The following NALF1 variants were observed in gnomAD, a reference collection of about 807,000 sequenced individuals.
NALF1 encodes family with sequence similarity 155 member A.
In NALF1, 3 loss-of-function variants were observed where a neutral mutation model predicts 48.4. The observed-to-expected ratio is 0.06, with a 90% CI of 0.03 to 0.16. The LOEUF (loss-of-function observed/expected upper bound fraction) is 0.16. NALF1 is among the 10% of genes least tolerant of loss of function. NALF1 has a pLI of 1.00. For missense variants in NALF1, 526 were observed against 571.5 expected, an observed-to-expected ratio of 0.92 and a Z score of 0.81; for synonymous variants, 262 against 245.7, an observed-to-expected ratio of 1.07 and a Z score of -0.62.
chr13:107,326,610 G>A (rs1882370282), intron 1 of NALF1, among the ~76,000 whole-genome samples: 1 of 152,182 alleles, frequency 6.6e-6, no homozygotes, highest in African/African-American at 2.4e-5. Context: ...CACACTGAGA[G>A]GATTGAGTAA....
intron 1 of NALF1, among the ~76,000 whole-genome samples, chr13:107,705,905 T>C (rs1372549237): frequency 6.6e-6 from 1 of 152,012 alleles, no homozygotes; most frequent in Non-Finnish European, 1.5e-5. Context: ...AGGAGTTAAC[T>C]AGTATTTTTC....
chr13:107,848,250 C>T (rs1340149808), intron 1 of NALF1, among the ~76,000 whole-genome samples: 1 of 152,090 alleles, frequency 6.6e-6, no homozygotes. Context: ...ATACTCTTTA[C>T]AATGTTCAAA....
At chr13:107,725,566 C>G (rs530356796) in intron 1 of NALF1, among the ~76,000 whole-genome samples, 6 of 152,166 alleles carry the variant, frequency 3.9e-5, no homozygotes, top group East Asian at 1.9e-4. Flanking sequence ...CAAAAATTAC[C>G]TGGGCGCAGA....
chr13:107,767,846 C>T (rs2138567044), intron 1 of NALF1, among the ~76,000 whole-genome samples: 1 of 152,260 alleles, frequency 6.6e-6, no homozygotes, highest in Non-Finnish European at 1.5e-5. Flanking sequence ...ATTGCTAAAT[C>T]TTTAAAGAGC....
In NALF1 at chr13:107,168,122, C is replaced by T. The variant is rs1878704950; in HGVS notation, c.*2375G>A. 6.6e-6 allele frequency: 1 copy of T among 152,296 alleles called. No individual in the cohort carries two copies. The highest frequency in any genetic ancestry group is 1.5e-5 in the Non-Finnish European group (1 of 68,054). 9.4% of individuals were successfully genotyped at this position (152,296 alleles called of 1,614,324 possible). A position where few individuals can be genotyped will look rare whatever the true frequency, so the allele number is the denominator to read the frequency against. On this transcript the variant is annotated 3_prime_UTR_variant, in exon 3 of 3. Coordinates refer to ENST00000375915, the MANE Select transcript of NALF1 (RefSeq NM_001080396.3). ...ACGCTGAAGAGATGGTGAGATGGCA[C>T]ATGGAGTGGCCTTACCACAGCAGAG...
At chr13:107,192,221 G>C (rs1333383454) in intron 2 of NALF1, among the ~76,000 whole-genome samples, 1 of 152,160 alleles carries the variant, frequency 6.6e-6, no homozygotes, top group African/African-American at 2.4e-5. Context: ...ATAATAACCT[G>C]TGGTAGCGCT....
intron 1 of NALF1, among the ~76,000 whole-genome samples, chr13:107,420,437 C>A (rs1357033359): frequency 6.6e-6 from 1 of 152,058 alleles, no homozygotes; most frequent in Non-Finnish European, 1.5e-5. Flanking sequence ...CATGTTTTAG[C>A]ATTTTTTTAT....
intron 1 of NALF1, among the ~76,000 whole-genome samples, chr13:107,637,522 C>G (rs148809839): frequency 2.5e-3 from 376 of 152,254 alleles, no homozygotes; most frequent in African/African-American, 8.4e-3. Context: ...ATCTTATTTT[C>G]TTCCTTTAGT....
At chr13:107,180,122 A>C (rs1879031515) in intron 2 of NALF1, among the ~76,000 whole-genome samples, 1 of 151,562 alleles carries the variant, frequency 6.6e-6, no homozygotes, top group African/African-American at 2.4e-5. Flanking sequence ...CTATGTATCC[A>C]CAAAACTTTA....
At chr13:107,863,558 C>T (rs1038039864) in intron 1 of NALF1, among the ~76,000 whole-genome samples, 2 of 152,108 alleles carry the variant, frequency 1.3e-5, no homozygotes, top group Non-Finnish European at 2.9e-5. Context: ...TTCTCCATTG[C>T]GGTGATAAGA....
intron 1 of NALF1, among the ~76,000 whole-genome samples, chr13:107,245,264 G>A (rs117320958): frequency 1.3e-5 from 2 of 152,258 alleles, no homozygotes; most frequent in Non-Finnish European, 2.9e-5. Flanking sequence ...TGGTTTTCAC[G>A]TGGATCACTG....
chr13:107,350,365 C>G (rs1444121549), intron 1 of NALF1, among the ~76,000 whole-genome samples: 1 of 152,162 alleles, frequency 6.6e-6, no homozygotes, highest in Non-Finnish European at 1.5e-5. Context: ...CATGGGAACA[C>G]CTATAGCAGG....
chr13:107,821,665 T>A (rs966538390), intron 1 of NALF1, among the ~76,000 whole-genome samples: 1 of 152,136 alleles, frequency 6.6e-6, no homozygotes, highest in Non-Finnish European at 1.5e-5. Flanking sequence ...TGGGGAGATA[T>A]GACAACTAAA....
intron 2 of NALF1, among the ~76,000 whole-genome samples, chr13:107,207,839 G>T (rs1459307469): frequency 1.3e-5 from 2 of 152,050 alleles, no homozygotes; most frequent in Non-Finnish European, 2.9e-5. Context: ...TTTTTGTAGA[G>T]GCAGGGTCTT....
At chr13:107,824,060 T>G (rs1454511912) in intron 1 of NALF1, among the ~76,000 whole-genome samples, 2 of 152,078 alleles carry the variant, frequency 1.3e-5, no homozygotes, top group African/African-American at 4.8e-5. Flanking sequence ...TTATCCTGTG[T>G]ACCAGCTCAT....
chr13:107,797,081 T>A (rs1878447715), intron 1 of NALF1, among the ~76,000 whole-genome samples: 1 of 152,230 alleles, frequency 6.6e-6, no homozygotes, highest in South Asian at 2.1e-4. Context: ...AAAAGCTTTC[T>A]GAGCCAGGAG....
intron 1 of NALF1, among the ~76,000 whole-genome samples, chr13:107,663,238 C>T (rs891166756): frequency 3.9e-5 from 6 of 152,182 alleles, no homozygotes; most frequent in African/African-American, 1.4e-4. Flanking sequence ...ATTCCAGTGA[C>T]TCTTTTCATA....
Position 107,294,672 on chromosome 13 carries a change from G to A in NALF1, c.916-83917C>T, listed in dbSNP as rs553825031. On this transcript the variant is annotated intron_variant, in intron 1 of 2. Coordinates refer to ENST00000375915, the MANE Select transcript of NALF1 (RefSeq NM_001080396.3). ...GTGGAAACTGAGGCAAAGAGAGCCC[G>A]AAAAACTTGTCGAAGCTCAGAAAGC... is the stretch of plus-strand genomic sequence containing the variant. Among the ~76,000 whole-genome samples, 226 of 152,284 alleles carry A rather than the reference G, an allele frequency of 1.5e-3. 2 individuals are homozygous for A. The highest frequency in any genetic ancestry group is 6.8e-3 in the Middle Eastern group (2 of 294).
chr13:107,424,511 A>G (rs1210239098), intron 1 of NALF1, among the ~76,000 whole-genome samples: 2 of 152,170 alleles, frequency 1.3e-5, no homozygotes, highest in Non-Finnish European at 2.9e-5. Flanking sequence ...ATTTTGAAAC[A>G]TAATAGCCAG....
Sources: gnomAD v4.1 joint callset for allele counts (sites outside exome capture counted in the v4.1 genomes callset) on GRCh38, gnomAD v4.1.1 for gene constraint, MANE v1.5 for transcripts, NCBI Gene and HGNC (gene_info 2026-07-23, HGNC 2026-07-21) for gene names.